CDH12: variants seen among roughly 807,000 people sequenced by gnomAD.
The protein encoded by CDH12 is cadherin 12.
A neutral mutation model predicts 74.1 loss-of-function variants in CDH12; 41 were observed. The observed-to-expected ratio is 0.55, with a 90% CI of 0.43 to 0.72. The LOEUF (loss-of-function observed/expected upper bound fraction) is 0.72. Among genes scored for constraint, CDH12 ranks in the 30% least tolerant of loss-of-function variants. The pLI is 0.00. For missense variants in CDH12, 945 were observed against 977.2 expected (o/e 0.97, Z 0.44); for synonymous variants, 399 against 355.0 (o/e 1.12, Z -1.39).
chr5:22,283,235 T>TATATATAG (rs1297059056), intron 3 of CDH12, among the ~76,000 whole-genome samples: 4 of 75,738 alleles, frequency 5.3e-5, no homozygotes, highest in African/African-American at 2.4e-4. Context: ...TATATATATA[T>TATATATAG]ATATATATAT....
intron 6 of CDH12, among the ~76,000 whole-genome samples, chr5:21,859,759 T>G (rs780125968): frequency 2.6e-5 from 4 of 152,022 alleles, no homozygotes; most frequent in Non-Finnish European, 5.9e-5. Flanking sequence ...TCCTGCTAAC[T>G]CTAAGTTAAC....
chr5:22,566,417 T>C (rs761166993), intron 1 of CDH12, among the ~76,000 whole-genome samples: 2 of 152,056 alleles, frequency 1.3e-5, no homozygotes, highest in African/African-American at 2.4e-5. Flanking sequence ...TTTTTGTATT[T>C]TTAGTAGAGA....
chr5:22,749,181 G>T (rs117182680), intron 1 of CDH12, among the ~76,000 whole-genome samples: 1 of 152,336 alleles, frequency 6.6e-6, no homozygotes, highest in South Asian at 2.1e-4. Context: ...GAAGTTGAAA[G>T]TATGATCAGC....
chr5:21,897,095 T>C (rs1753158922), intron 6 of CDH12, among the ~76,000 whole-genome samples: 1 of 152,146 alleles, frequency 6.6e-6, no homozygotes, highest in Admixed American at 6.6e-5. Context: ...CCAACAAATA[T>C]AATCAACTGA....
At chr5:21,842,993 T>G (rs1203206893) in intron 7 of CDH12, among the ~76,000 whole-genome samples, 2 of 152,158 alleles carry the variant, frequency 1.3e-5, no homozygotes, top group Non-Finnish European at 2.9e-5. Flanking sequence ...ATAATTAAAT[T>G]TATAAGTGTG....
At chr5:22,813,184 C>G (rs974758619) in intron 1 of CDH12, among the ~76,000 whole-genome samples, 2 of 152,056 alleles carry the variant, frequency 1.3e-5, no homozygotes, top group Admixed American at 6.5e-5. Flanking sequence ...GTAAATAAAA[C>G]CTCTTGATTC....
intron 6 of CDH12, among the ~76,000 whole-genome samples, chr5:21,951,694 G>A (rs551651139): frequency 2.4e-4 from 37 of 152,316 alleles, no homozygotes; most frequent in Non-Finnish European, 4.6e-4. Context: ...CTTTCTCTAT[G>A]CTAAAAGAAA....
chr5:22,253,409 T>G (rs1411197098), intron 3 of CDH12, among the ~76,000 whole-genome samples: 1 of 151,838 alleles, frequency 6.6e-6, no homozygotes, highest in Non-Finnish European at 1.5e-5. Flanking sequence ...ATTAGGAAAT[T>G]TAAAACAATG....
At chr5:22,307,284 G>A (rs962833676) in intron 3 of CDH12, among the ~76,000 whole-genome samples, 1 of 152,144 alleles carries the variant, frequency 6.6e-6, no homozygotes, top group Non-Finnish European at 1.5e-5. Flanking sequence ...TTCAGTCAAT[G>A]TCAGCCAAAA....
chr5:22,486,600 T>C (rs1457918516), intron 2 of CDH12, among the ~76,000 whole-genome samples: 3 of 151,952 alleles, frequency 2.0e-5, no homozygotes, highest in Admixed American at 1.3e-4. Flanking sequence ...TACAGGTATG[T>C]GCCACCATTC....
Position 21,941,914 on chromosome 5 carries a change from G to T in CDH12, c.526+33177C>A, listed in dbSNP as rs1204027394. 3.3e-5 allele frequency among the ~76,000 whole-genome samples: 5 copies of T among 151,930 alleles called. No homozygotes were observed. In the East Asian group the frequency reaches 9.7e-4, roughly 29 times the overall value. On this transcript the variant is annotated intron_variant, in intron 6 of 14. Coordinates refer to ENST00000382254, the MANE Select transcript of CDH12 (RefSeq NM_004061.5). ...GGCCACTGTGGTAGACAGAATAATG[G>T]CTTACTAAAATGTCGACGTCCTAAT... is the stretch of plus-strand genomic sequence containing the variant.
intron 1 of CDH12, among the ~76,000 whole-genome samples, chr5:22,789,484 A>G (rs1581002041): frequency 6.6e-6 from 1 of 152,116 alleles, no homozygotes; most frequent in East Asian, 1.9e-4. Flanking sequence ...AAGCATACAG[A>G]TGTTAATGCG....
At position 22,050,459 on chromosome 5, in the gene CDH12, C is replaced by T. The variant is rs139986682; in HGVS notation, c.231+27987G>A. Among the ~76,000 whole-genome samples the T allele has an allele frequency of 1.8e-3, 268 of 152,204 alleles. 2 individuals are homozygous for T. Among genetic ancestry groups the T allele is most frequent in the African/African-American group, 6.0e-3 (250 of 41,534 alleles). ...ACCTGACACACAGAGGTTCACAATACGTGCCTAATTTAATTAAACAAATTT... is the reference window on the plus strand; with the variant it reads ...ACCTGACACACAGAGGTTCACAATATGTGCCTAATTTAATTAAACAAATTT... On this transcript the variant is annotated intron_variant, in intron 5 of 14. Coordinates refer to ENST00000382254, the MANE Select transcript of CDH12 (RefSeq NM_004061.5).
At chr5:21,824,342 G>A (rs543164569) in intron 8 of CDH12, among the ~76,000 whole-genome samples, 1 of 152,218 alleles carries the variant, frequency 6.6e-6, no homozygotes, top group African/African-American at 2.4e-5. Flanking sequence ...CTTGGGGGCA[G>A]CTCTTGGAAG....
chr5:22,585,066 A>T (rs576790478), intron 1 of CDH12, among the ~76,000 whole-genome samples: 153 of 152,332 alleles, frequency 1.0e-3, no homozygotes, highest in African/African-American at 3.5e-3. Context: ...TATTCAGTAT[A>T]ATTTTACTTG....
At chr5:22,297,912 A>C (rs1203189227) in intron 3 of CDH12, among the ~76,000 whole-genome samples, 1 of 151,982 alleles carries the variant, frequency 6.6e-6, no homozygotes. Context: ...TAGTATTTTG[A>C]AATTTTACTT....
At chr5:22,115,689 C>T (rs1431941163) in intron 4 of CDH12, among the ~76,000 whole-genome samples, 10 of 110,470 alleles carry the variant, frequency 9.1e-5, no homozygotes, top group South Asian at 2.9e-4. Context: ...GTCCTCGCGA[C>T]TTTTTTTTTT....
At chr5:22,684,683 C>A (rs1330777010) in intron 1 of CDH12, among the ~76,000 whole-genome samples, 2 of 152,198 alleles carry the variant, frequency 1.3e-5, no homozygotes, top group Non-Finnish European at 2.9e-5. Context: ...AGAGCTATAG[C>A]AATTGGTGTT....
At chr5:22,684,479 T>G (rs945155667) in intron 1 of CDH12, among the ~76,000 whole-genome samples, 3 of 152,238 alleles carry the variant, frequency 2.0e-5, no homozygotes, top group African/African-American at 4.8e-5. Flanking sequence ...ATACACTGAT[T>G]GTGAGCACAG....
Sources: allele counts gnomAD v4.1 joint callset (sites outside exome capture counted in the v4.1 genomes callset), GRCh38; gene constraint gnomAD v4.1.1; transcripts MANE v1.5; gene names NCBI Gene and HGNC (gene_info 2026-07-23, HGNC 2026-07-21).